The following CNTN5 variants were observed in gnomAD, a reference collection of about 807,000 sequenced individuals.
The protein encoded by CNTN5 is contactin 5.
Under a neutral mutation model 129.1 loss-of-function variants are expected in CNTN5, and 77 were observed. That is an observed-to-expected ratio of 0.60 (90% CI 0.50 to 0.72). The LOEUF (loss-of-function observed/expected upper bound fraction) is 0.72. Ranked by LOEUF, CNTN5 falls within the 30% of genes least tolerant of loss-of-function variation. The probability of loss-of-function intolerance (pLI) is 0.00; values close to 1 mark genes in which losing one functional copy is unlikely to be tolerated. For missense variants in CNTN5, 1,478 were observed against 1,328.8 expected, an observed-to-expected ratio of 1.11 and a Z score of -1.75; for synonymous variants, 509 against 465.6, an observed-to-expected ratio of 1.09 and a Z score of -1.20.
intron 9 of CNTN5, among the ~76,000 whole-genome samples, chr11:100,044,545 T>C (rs992588908): frequency 6.6e-6 from 1 of 152,034 alleles, no homozygotes; most frequent in African/African-American, 2.4e-5. Flanking sequence ...TAATATACAA[T>C]TGTGGTTTTA....
intron 2 of CNTN5, among the ~76,000 whole-genome samples, chr11:99,327,031 A>G (rs374726256): frequency 2.6e-5 from 4 of 152,318 alleles, no homozygotes; most frequent in Non-Finnish European, 5.9e-5. Flanking sequence ...ACTCATAATC[A>G]TGGACGCACC....
At chr11:100,070,613 A>G in intron 11 of CNTN5, 53 bp downstream of exon 11, 3 of 1,560,770 alleles carry the variant, frequency 1.9e-6, no homozygotes, top group Admixed American at 3.4e-5. Context: ...GAGATTTCAC[A>G]CAGGACAAAC....
chr11:100,269,920 T>C (rs947229705), intron 17 of CNTN5, among the ~76,000 whole-genome samples: 2 of 152,082 alleles, frequency 1.3e-5, no homozygotes, highest in South Asian at 4.2e-4. Context: ...GGGAATGCCT[T>C]CTTCTCTTTT....
At chr11:100,238,551 G>GGGAAGAAGAAGAGGAGGAGGAGGA (rs1949673229) in intron 16 of CNTN5, among the ~76,000 whole-genome samples, 1 of 147,316 alleles carries the variant, frequency 6.8e-6, no homozygotes. Flanking sequence ...GAGGAGGAGG[G>GGGAAGAAGAAGAGGAGGAGGAGGA]GGAAGAAGAG....
rs577820146 is a variant in CNTN5 at position 99,206,683 on chromosome 11, T to G, written c.-209-118663T>G. 8.7e-4 allele frequency among the ~76,000 whole-genome samples: 133 copies of G among 152,280 alleles called. 2 individuals carry two copies. The South Asian group carries it at 0.021, about 24-fold the overall frequency. On this transcript the variant is annotated intron_variant, in intron 1 of 24. Coordinates refer to ENST00000524871, the MANE Select transcript of CNTN5 (RefSeq NM_014361.4). The stretch of plus-strand genomic sequence containing the variant: ...CAATTTCCAGAGCTTTGGACTTGTA[T>G]TCTACCTGGTTTGCATGTTTTCTGT...
chr11:99,296,021 A>T (rs967560394), intron 1 of CNTN5, among the ~76,000 whole-genome samples: 1 of 152,174 alleles, frequency 6.6e-6, no homozygotes, highest in African/African-American at 2.4e-5. Flanking sequence ...CTGGCTGCAA[A>T]ATTCTTCACA....
At chr11:99,209,690 TATC>T (rs1341828855) in intron 1 of CNTN5, among the ~76,000 whole-genome samples, 2 of 152,178 alleles carry the variant, frequency 1.3e-5, no homozygotes, top group Non-Finnish European at 2.9e-5. Context: ...CTACGATTAA[TATC>T]ATGAATAGAC....
chr11:99,766,659 C>G (rs78434749), intron 3 of CNTN5, among the ~76,000 whole-genome samples: 4 of 151,994 alleles, frequency 2.6e-5, no homozygotes, highest in African/African-American at 9.7e-5. Context: ...ATACCCCCAT[C>G]GCTGCTGTTA....
intron 13 of CNTN5, among the ~76,000 whole-genome samples, chr11:100,147,766 C>T (rs566271352): frequency 2.6e-5 from 4 of 151,820 alleles, no homozygotes; most frequent in African/African-American, 7.2e-5. Context: ...CTTGAACTTT[C>T]GAGGTTCTGC....
At chr11:99,178,590 TTATATC>T (rs138169885) in intron 1 of CNTN5, among the ~76,000 whole-genome samples, 2,331 of 152,218 alleles carry the variant, frequency 0.015, 47 homozygotes, top group African/African-American at 0.052. Context: ...CAAATGGTGT[TTATATC>T]TATAATTAAT....
At position 100,070,469 on chromosome 11, in the gene CNTN5, G is replaced by T; in HGVS notation, c.1208G>T (p.Ser403Ile). The T allele has an allele frequency of 6.2e-7, 1 of 1,612,748 alleles. No individual in the cohort carries two copies. The highest frequency in any genetic ancestry group is 1.3e-5 in the African/African-American group (1 of 75,004). Residue 403 changes from serine to isoleucine, a missense_variant, in exon 11 of 25, where the codon AGT becomes ATT. Transcript: ENST00000524871. Reference sequence around the variant, plus strand: ...AAACTGAATGATACTCAGTTAGACAGTGGGAGCCCTCTCCGATGGGAATGT... The same window carrying T: ...AAACTGAATGATACTCAGTTAGACATTGGGAGCCCTCTCCGATGGGAATGT... ...VEKLNDTQLD[S>I]GSPLRWECKA...
chr11:99,569,146 C>T (rs1949098015), intron 3 of CNTN5, among the ~76,000 whole-genome samples: 1 of 151,888 alleles, frequency 6.6e-6, no homozygotes, highest in African/African-American at 2.4e-5. Flanking sequence ...GAATATTTTG[C>T]AATTATGATT....
At chr11:99,986,831 T>C (rs1230688602) in intron 8 of CNTN5, among the ~76,000 whole-genome samples, 14 of 152,004 alleles carry the variant, frequency 9.2e-5, no homozygotes, top group Non-Finnish European at 1.9e-4. Flanking sequence ...GCTAATGGGA[T>C]AGATGAAAGG....
intron 13 of CNTN5, among the ~76,000 whole-genome samples, chr11:100,162,200 T>C (rs1468299152): frequency 6.6e-6 from 1 of 151,840 alleles, no homozygotes; most frequent in African/African-American, 2.4e-5. Context: ...TCATGAGCAT[T>C]AAATGAACTA....
chr11:100,145,066 A>G (rs897875386), intron 13 of CNTN5, among the ~76,000 whole-genome samples: 1 of 131,262 alleles, frequency 7.6e-6, no homozygotes, highest in African/African-American at 2.5e-5. Flanking sequence ...ACTAGATTCA[A>G]TAGGTCTTTA....
intron 3 of CNTN5, among the ~76,000 whole-genome samples, chr11:99,562,021 C>G (rs938043283): frequency 1.3e-5 from 2 of 152,160 alleles, no homozygotes; most frequent in Non-Finnish European, 2.9e-5. Flanking sequence ...ACTGCAGACA[C>G]AGGACTGGCT....
intron 3 of CNTN5, among the ~76,000 whole-genome samples, chr11:99,694,674 C>T (rs1040950226): frequency 2.0e-5 from 3 of 152,058 alleles, no homozygotes; most frequent in Non-Finnish European, 4.4e-5. Flanking sequence ...CCCCGAGCCC[C>T]CCACCCCCTG....
At chr11:99,321,982 C>A (rs1013750412) in intron 1 of CNTN5, among the ~76,000 whole-genome samples, 10 of 152,242 alleles carry the variant, frequency 6.6e-5, no homozygotes, top group Admixed American at 1.3e-4. Context: ...CCATTCTGTG[C>A]ACTGGTTTGT....
chr11:100,149,152 GA>G (rs1946959883), intron 13 of CNTN5, among the ~76,000 whole-genome samples: 1 of 152,154 alleles, frequency 6.6e-6, no homozygotes, highest in Non-Finnish European at 1.5e-5. Context: ...ATTACTCTGT[GA>G]AGCATCACTT....
Sources: allele counts gnomAD v4.1 joint callset (sites outside exome capture counted in the v4.1 genomes callset), GRCh38; gene constraint gnomAD v4.1.1; transcripts MANE v1.5; gene names NCBI Gene and HGNC (gene_info 2026-07-23, HGNC 2026-07-21).